Variants in SMARCAL1 observed in about 807,000 individuals in gnomAD.
The protein encoded by SMARCAL1 is SNF2 related chromatin remodeling annealing helicase 1.
In SMARCAL1, 58 loss-of-function variants were observed where a neutral mutation model predicts 94.5. That is an observed-to-expected ratio of 0.61 (90% CI 0.50 to 0.76). The LOEUF is 0.76. Among genes scored for constraint, SMARCAL1 ranks in the 30% least tolerant of loss-of-function variants. The probability of loss-of-function intolerance (pLI) is 0.00; values close to 1 mark genes in which losing one functional copy is unlikely to be tolerated. For synonymous variants in SMARCAL1, 422 were observed against 455.1 expected, an observed-to-expected ratio of 0.93 and a Z score of 0.93; for missense variants, 1,051 against 1,177.9, an observed-to-expected ratio of 0.89 and a Z score of 1.58.
rs377709334 is a variant in SMARCAL1 at position 216,413,213 on chromosome 2, C to T, written c.-96+565C>T. Reference sequence around the variant, plus strand: ...CCCAGCAGGGAAGGAAGGCTTTGAACCCTATAGCTGCCCAGAGGCCTAAGC... The same window carrying T: ...CCCAGCAGGGAAGGAAGGCTTTGAATCCTATAGCTGCCCAGAGGCCTAAGC... On this transcript the variant is annotated intron_variant, in intron 1 of 17. Coordinates refer to ENST00000357276, the MANE Select transcript of SMARCAL1 (RefSeq NM_014140.4). Among the ~76,000 whole-genome samples, 7 of 152,274 alleles carry T rather than the reference C, an allele frequency of 4.6e-5. No homozygotes were observed. In the East Asian group the frequency reaches 7.7e-4, roughly 17 times the overall value.
At chr2:216,465,472 CA>C (rs1466029902) in intron 13 of SMARCAL1, among the ~76,000 whole-genome samples, 1 of 149,020 alleles carries the variant, frequency 6.7e-6, no homozygotes, top group East Asian at 2.0e-4. Flanking sequence ...AATAAAAAGA[CA>C]AATGTCAAAG....
intron 10 of SMARCAL1, 46 bp from the exon 11 acceptor site, chr2:216,446,972 G>T (rs1465475132): frequency 6.2e-7 from 1 of 1,613,426 alleles, no homozygotes. Flanking sequence ...CATTTCCTGT[G>T]TGCTCCTCCC....
chr2:216,463,475 C>T (rs62180600), intron 12 of SMARCAL1, among the ~76,000 whole-genome samples: 2,902 of 151,348 alleles, frequency 0.019, 50 homozygotes, highest in Non-Finnish European at 0.026. Flanking sequence ...GCCCCACTTC[C>T]CACCACCACT....
In SMARCAL1 at chr2:216,420,279, C is replaced by T. The variant is rs776967279; in HGVS notation, c.863-20C>T. On this transcript the variant is annotated intron_variant, in intron 4 of 17. Coordinates refer to ENST00000357276, the MANE Select transcript of SMARCAL1 (RefSeq NM_014140.4). ...AGTCCCCTGCTTTATCACTTCTGTT[C>T]GATTCTTCTTCTTTGGCAGTGAAAG... 3.5e-5 allele frequency: 55 copies of T among 1,592,418 alleles called. No homozygotes were observed. Among genetic ancestry groups the T allele is most frequent in the East Asian group, 1.8e-4 (8 of 44,762 alleles).
At chr2:216,462,801 C>T (rs1239284675) in intron 12 of SMARCAL1, among the ~76,000 whole-genome samples, 4 of 150,016 alleles carry the variant, frequency 2.7e-5, no homozygotes, top group Admixed American at 6.7e-5. Flanking sequence ...ACCTGGACAA[C>T]ATAGTGAGAT....
intron 13 of SMARCAL1, 39 bp downstream of exon 13, chr2:216,464,706 C>T: frequency 9.1e-7 from 1 of 1,101,618 alleles, no homozygotes; most frequent in Non-Finnish European, 1.3e-6. Context: ...TCTCTCTCAT[C>T]TTCAAAAAAA....
chr2:216,475,378 C>A lies in SMARCAL1; in HGVS notation c.2354C>A (p.Thr785Asn). 1 of 1,614,224 alleles carries A rather than the reference C, an allele frequency of 6.2e-7. No homozygotes were observed. The highest frequency in any genetic ancestry group is 8.5e-7 in the Non-Finnish European group (1 of 1,180,044). The change falls in exon 15 of 18, where the codon ACC (threonine) becomes AAC (asparagine). Residue 785 changes from threonine to asparagine, a missense_variant. Transcript: ENST00000357276. The surrounding 1 kb of genome is among the most constrained non-coding windows in gnomAD (Gnocchi z 4.4). ...CATGCTGTGGCCGTGCTGTCCATCACCGCTGCCAATATGGGCCTCACCTTC... is the reference window on the plus strand; with the variant it reads ...CATGCTGTGGCCGTGCTGTCCATCAACGCTGCCAATATGGGCCTCACCTTC... ...ERHAVAVLSI[T>N]AANMGLTFSS...
intron 1 of SMARCAL1, among the ~76,000 whole-genome samples, chr2:216,413,215 C>A (rs932041895): frequency 5.3e-5 from 8 of 152,304 alleles, no homozygotes; most frequent in Middle Eastern, 3.4e-3. Flanking sequence ...GCTTTGAACC[C>A]TATAGCTGCC....
At chr2:216,476,559 T>A (rs1360882915) in intron 15 of SMARCAL1, among the ~76,000 whole-genome samples, 1 of 152,154 alleles carries the variant, frequency 6.6e-6, no homozygotes, top group East Asian at 1.9e-4. Context: ...GCAATCTGCC[T>A]GCCTCAGCCT....
chr2:216,414,684 C>T lies in SMARCAL1; in HGVS notation c.-21C>T. 6.2e-7 allele frequency: 1 copy of T among 1,605,826 alleles called. No individual in the cohort carries two copies. The highest frequency in any genetic ancestry group is 8.5e-7 in the Non-Finnish European group (1 of 1,172,456). On this transcript the variant is annotated 5_prime_UTR_variant, in exon 3 of 18. Transcript: ENST00000357276. ...TTCCAATTAAAGGTTGACATTCCTG[C>T]ATAAGCATTTCTCTGTGAAAATGTC...
intron 12 of SMARCAL1, chr2:216,451,571 G>T (rs1694449716): frequency 5.8e-6 from 1 of 171,000 alleles, no homozygotes; most frequent in African/African-American, 2.4e-5. Context: ...TTTATGGTTG[G>T]CAGGAAGTTG....
intron 9 of SMARCAL1, among the ~76,000 whole-genome samples, chr2:216,436,509 C>T (rs1694086098): frequency 6.6e-6 from 1 of 152,202 alleles, no homozygotes; most frequent in Non-Finnish European, 1.5e-5. Flanking sequence ...ATCTATTATT[C>T]TGTTTTGGAC....
chr2:216,466,812 G>A (rs1694839283), intron 13 of SMARCAL1, among the ~76,000 whole-genome samples: 1 of 152,174 alleles, frequency 6.6e-6, no homozygotes, highest in African/African-American at 2.4e-5. Context: ...AATAATTAAA[G>A]TAAATTCTAT....
At chr2:216,447,649 G>A (rs115748342) in intron 11 of SMARCAL1, among the ~76,000 whole-genome samples, 2,240 of 145,148 alleles carry the variant, frequency 0.015, 67 homozygotes, top group African/African-American at 0.056. Flanking sequence ...TGAAGTAAAG[G>A]TGGGAAATTC....
chr2:216,446,634 A>C, intron 10 of SMARCAL1: 1 of 461,860 alleles, frequency 2.2e-6, no homozygotes, highest in Non-Finnish European at 4.3e-6. Flanking sequence ...CCAGGATACT[A>C]ATTAGCTTCC....
intron 5 of SMARCAL1, among the ~76,000 whole-genome samples, chr2:216,421,137 C>T (rs1414269245): frequency 6.6e-6 from 1 of 152,132 alleles, no homozygotes; most frequent in South Asian, 2.1e-4. Context: ...TCAAAAGCAC[C>T]GATGCCTGGT....
chr2:216,473,187 C>T (rs1695003268), intron 14 of SMARCAL1, among the ~76,000 whole-genome samples: 1 of 151,988 alleles, frequency 6.6e-6, no homozygotes, highest in Non-Finnish European at 1.5e-5. Flanking sequence ...CAAGCAACCT[C>T]TGGTCTACGG....
At chr2:216,425,860 C>T (rs1559124385) in intron 6 of SMARCAL1, among the ~76,000 whole-genome samples, 1 of 152,190 alleles carries the variant, frequency 6.6e-6, no homozygotes, top group Non-Finnish European at 1.5e-5. Flanking sequence ...AGTTCTTATT[C>T]TGGGTTGTGG....
chr2:216,464,020 C>T (rs1320819010), intron 12 of SMARCAL1, among the ~76,000 whole-genome samples: 9 of 151,858 alleles, frequency 5.9e-5, no homozygotes, highest in Non-Finnish European at 8.8e-5. Flanking sequence ...CCAGCCTGGG[C>T]GAGACAGAGC....
Sources: allele counts gnomAD v4.1 joint callset (sites outside exome capture counted in the v4.1 genomes callset), GRCh38; gene constraint gnomAD v4.1.1; non-coding constraint Gnocchi (gnomAD v3.1); transcripts MANE v1.5; gene names NCBI Gene and HGNC (gene_info 2026-07-23, HGNC 2026-07-21).